SPG21: variants seen among roughly 807,000 people sequenced by gnomAD.
The protein encoded by SPG21 is maspardin.
A neutral mutation model predicts 38.9 loss-of-function variants in SPG21; 26 were observed. That is an observed-to-expected ratio of 0.67 (90% CI 0.49 to 0.93). The LOEUF is 0.93. Among genes scored for constraint, SPG21 ranks in the 40% least tolerant of loss-of-function variants. The pLI is 0.00. For synonymous variants in SPG21, 136 were observed against 128.9 expected (o/e 1.05, Z -0.37); for missense variants, 333 against 376.5 (o/e 0.88, Z 0.96).
chr15:64,974,483 A>T, intron 5 of SPG21, 119 bp downstream of exon 5: 5 of 1,228,374 alleles, frequency 4.1e-6, no homozygotes, highest in South Asian at 1.3e-5. Flanking sequence ...TCAAAAAAAA[A>T]GCCAAGGAAG....
At chr15:64,963,816 G>T in intron 8 of SPG21, 80 bp from the exon 9 acceptor site, 1 of 1,312,610 alleles carries the variant, frequency 7.6e-7, no homozygotes, top group Non-Finnish European at 1.1e-6. Context: ...GAGTGCAGTG[G>T]CACTATCTTG....
At chr15:64,972,363 G>T (rs1304858982) in intron 5 of SPG21, among the ~76,000 whole-genome samples, 4 of 152,200 alleles carry the variant, frequency 2.6e-5, no homozygotes, top group African/African-American at 9.7e-5. Flanking sequence ...ATGTGCCAGA[G>T]CACAAACTGA....
In SPG21 at chr15:64,969,255, A is replaced by G. The variant is rs2085611041; in HGVS notation, c.669T>C (p.Asp223=). ...CTATTTTACTTAAAAGGAAGCTTAC[A>G]TCCATAATAGTTACAGGTATGTCCC... The part of the protein sequence containing the change: ...KIRDIPVTIM[D]VFDQSALSTE... Residue 223 remains aspartate (D), a splice_region_variant and synonymous_variant, in exon 7 of 9, where the codon GAT becomes GAC. Coordinates refer to ENST00000204566, the MANE Select transcript of SPG21 (RefSeq NM_016630.7). 1 of 1,587,396 alleles carries G rather than the reference A, an allele frequency of 6.3e-7. No individual in the cohort carries two copies. Among genetic ancestry groups the G allele is most frequent in the Admixed American group, 1.7e-5 (1 of 59,978 alleles).
At chr15:64,968,095 C>T (rs936588351) in intron 7 of SPG21, among the ~76,000 whole-genome samples, 1 of 152,194 alleles carries the variant, frequency 6.6e-6, no homozygotes, top group South Asian at 2.1e-4. Context: ...TCATGCCTGT[C>T]ATAGCACTTT....
intron 1 of SPG21, among the ~76,000 whole-genome samples, chr15:64,984,585 T>C (rs2140450757): frequency 6.6e-6 from 1 of 152,172 alleles, no homozygotes; most frequent in African/African-American, 2.4e-5. Flanking sequence ...ATTCCTAGGC[T>C]CAAGCAATCC....
intron 5 of SPG21, among the ~76,000 whole-genome samples, chr15:64,973,232 G>A (rs1158653871): frequency 1.3e-5 from 2 of 152,272 alleles, no homozygotes; most frequent in South Asian, 4.1e-4. Flanking sequence ...GCCTCCCAAA[G>A]TGTTGGGAGT....
Position 64,988,305 on chromosome 15 carries a change from C to CT in SPG21, c.-25+1359dup, listed in dbSNP as rs371617445. Among the ~76,000 whole-genome samples the CT allele has an allele frequency of 3.5e-3, 532 of 152,312 alleles. 3 individuals are homozygous for CT. Among genetic ancestry groups the CT allele is most frequent in the African/African-American group, 0.012 (509 of 41,562 alleles). On this transcript the variant is annotated intron_variant, in intron 1 of 8. Transcript: ENST00000204566. ...CTCATGGCTTCAACAGAACCTGCCA[C>CT]TTTAAAGTCAACAAAATCACCTTTA... is the stretch of plus-strand genomic sequence containing the variant.
intron 5 of SPG21, among the ~76,000 whole-genome samples, chr15:64,972,227 T>C (rs993951158): frequency 3.3e-5 from 5 of 152,156 alleles, no homozygotes; most frequent in Non-Finnish European, 7.3e-5. Context: ...ATCACTTTCT[T>C]ATCTTTTGAA....
chr15:64,983,630 T>G (rs1375380419), intron 1 of SPG21, 37 bp from the exon 2 acceptor site: 1 of 1,258,910 alleles, frequency 7.9e-7, no homozygotes, highest in African/African-American at 1.5e-5. Flanking sequence ...CGTCAAGAAT[T>G]CATGTTTACA....
chr15:64,986,928 G>A (rs1270786904), intron 1 of SPG21, among the ~76,000 whole-genome samples: 1 of 152,102 alleles, frequency 6.6e-6, no homozygotes, highest in Non-Finnish European at 1.5e-5. Context: ...CTATTCTAAA[G>A]GAGGGAAAAT....
intron 1 of SPG21, among the ~76,000 whole-genome samples, chr15:64,984,178 C>T (rs183917376): frequency 2.9e-4 from 44 of 152,180 alleles, no homozygotes; most frequent in African/African-American, 9.4e-4. Flanking sequence ...CCCAAGATCA[C>T]ATGGCAATGC....
At position 64,963,579 on chromosome 15, in the gene SPG21, G is replaced by T; in HGVS notation, c.*41C>A. The T allele has an allele frequency of 6.4e-7, 1 of 1,551,218 alleles. No homozygotes were observed. Among genetic ancestry groups the T allele is most frequent in the Non-Finnish European group, 8.9e-7 (1 of 1,124,388 alleles). On this transcript the variant is annotated 3_prime_UTR_variant, in exon 9 of 9. Transcript: ENST00000204566. The stretch of plus-strand genomic sequence containing the variant: ...GGTGCTGATGCCACTGACTATACAA[G>T]AACACACCGGGTCAACTCATCATTG...
chr15:64,968,332 C>G (rs1017920041), intron 7 of SPG21, among the ~76,000 whole-genome samples: 98 of 124,050 alleles, frequency 7.9e-4, no homozygotes, highest in African/African-American at 2.6e-3. Flanking sequence ...AGAGTGAGAC[C>G]CTGTTTCCAA....
At chr15:64,969,636 A>G (rs994722160) in intron 6 of SPG21, among the ~76,000 whole-genome samples, 7 of 151,512 alleles carry the variant, frequency 4.6e-5, no homozygotes, top group Non-Finnish European at 1.0e-4. Context: ...CCAGGTGCCC[A>G]TGGGCAGCAA....
At chr15:64,979,983 C>CA (rs978201278) in intron 3 of SPG21, among the ~76,000 whole-genome samples, 5 of 151,642 alleles carry the variant, frequency 3.3e-5, no homozygotes, top group African/African-American at 1.2e-4. Flanking sequence ...CAATCAGGAA[C>CA]AAAAAAACTT....
Position 64,980,938 on chromosome 15 carries a change from G to A in SPG21, c.151C>T (p.Pro51Ser), listed in dbSNP as rs760722505. 1.9e-6 allele frequency: 3 copies of A among 1,614,002 alleles called. No individual in the cohort carries two copies. Among genetic ancestry groups the A allele is most frequent in the East Asian group, 2.2e-5 (1 of 44,898 alleles). The change falls in exon 3 of 9, where the codon CCT becomes TCT. Residue 51 changes from proline (P) to serine (S), a missense_variant. By Grantham distance (74) the Pro-to-Ser change is moderately conservative (BLOSUM62 -1). Coordinates refer to ENST00000204566, the MANE Select transcript of SPG21 (RefSeq NM_016630.7). ...SIRCPLIFLP[P>S]VSGTADVFFR... ...AAGACATCTGCAGTTCCACTGACAG[G>A]GGGCAGGAATATGAGAGGACACCTG...
At chr15:64,977,573 C>T (rs1249813728) in intron 3 of SPG21, among the ~76,000 whole-genome samples, 1 of 152,036 alleles carries the variant, frequency 6.6e-6, no homozygotes, top group Non-Finnish European at 1.5e-5. Flanking sequence ...GCCACGTTGC[C>T]CAGGCTGGTC....
In SPG21 at chr15:64,968,908, A is replaced by T. The variant is rs974801710; in HGVS notation, c.669+347T>A. Among the ~76,000 whole-genome samples, 141 of 151,878 alleles carry T rather than the reference A, an allele frequency of 9.3e-4. 3 individuals are homozygous for T. The highest frequency in any genetic ancestry group is 6.0e-4 in the African/African-American group (25 of 41,430). The stretch of plus-strand genomic sequence containing the variant: ...TTTATTTTGATTCATTTTTATTTTT[A>T]TTTTTTTTTAATAAATACAGACAGG... On this transcript the variant is annotated intron_variant, in intron 7 of 8. Coordinates refer to ENST00000204566, the MANE Select transcript of SPG21 (RefSeq NM_016630.7).
chr15:64,971,744 G>T (rs910180799), intron 5 of SPG21, among the ~76,000 whole-genome samples: 1 of 151,826 alleles, frequency 6.6e-6, no homozygotes, highest in Non-Finnish European at 1.5e-5. Flanking sequence ...GCTGAGGCAG[G>T]AGAATCACTT....
Sources: allele counts gnomAD v4.1 joint callset (sites outside exome capture counted in the v4.1 genomes callset), GRCh38; gene constraint gnomAD v4.1.1; transcripts MANE v1.5; gene names NCBI Gene and HGNC (gene_info 2026-07-23, HGNC 2026-07-21).